WIPI2: variants seen among roughly 807,000 people sequenced by gnomAD.
WIPI2 encodes the protein WD repeat domain, phosphoinositide interacting 2, also known as WD repeat domain phosphoinositide-interacting protein 2.
WIPI2 carries 28 observed loss-of-function variants against 52.3 expected under a neutral mutation model. The observed-to-expected ratio is 0.54, with a 90% CI of 0.40 to 0.73. WIPI2 has a LOEUF of 0.73. WIPI2 is among the 30% of genes least tolerant of loss of function. WIPI2 has a pLI of 0.00. For missense variants in WIPI2, 506 were observed against 602.9 expected (o/e 0.84, Z 1.68); for synonymous variants, 268 against 245.0 (o/e 1.09, Z -0.88).
At chr7:5,191,513 C>G (rs920571449) in intron 1 of WIPI2, among the ~76,000 whole-genome samples, 1 of 152,124 alleles carries the variant, frequency 6.6e-6, no homozygotes, top group African/African-American at 2.4e-5. Flanking sequence ...AATGCCAGCC[C>G]GTGCATTCGG....
At chr7:5,214,823 G>A in intron 4 of WIPI2, 119 bp downstream of exon 4, 18 of 1,165,462 alleles carry the variant, frequency 1.5e-5, no homozygotes, top group Middle Eastern at 2.0e-4. Context: ...CCACGTTGCC[G>A]GGCACAGATC....
Position 5,193,126 on chromosome 7 carries a change from A to C in WIPI2, c.83A>C (p.Lys28Thr). ...TTTGTTTTTTTACCTAGAGAAGTGA[A>C]AGGGGCATCAAGAGCAGCTGGTCTT... The part of the protein sequence containing the change: ...ANFNQDNTEV[K>T]GASRAAGLGR... Residue 28 changes from lysine to threonine, a missense_variant, in exon 2 of 13, where the codon AAA becomes ACA. By Grantham distance (78) the Lys-to-Thr change is moderately conservative. Transcript: ENST00000288828. 2 of 1,613,930 alleles carry C rather than the reference A, an allele frequency of 1.2e-6. No individual in the cohort carries two copies.
In WIPI2 at chr7:5,214,712, C is replaced by T. The variant is rs756305172; in HGVS notation, c.381+8C>T. On this transcript the variant is annotated splice_region_variant and intron_variant, in intron 4 of 12. Transcript: ENST00000288828. Reference sequence around the variant, plus strand: ...GTGAAGCTCAACAGGCAGGTGAGCGCTGCCCCAGCTGGGTGTGGGCTTGTC... The same window carrying T: ...GTGAAGCTCAACAGGCAGGTGAGCGTTGCCCCAGCTGGGTGTGGGCTTGTC... 3.7e-5 allele frequency: 60 copies of T among 1,613,180 alleles called. No homozygotes were observed. In the South Asian group the frequency reaches 5.8e-4, roughly 16 times the overall value.
At chr7:5,196,939 C>T (rs979709364) in intron 2 of WIPI2, among the ~76,000 whole-genome samples, 3 of 151,544 alleles carry the variant, frequency 2.0e-5, no homozygotes, top group African/African-American at 7.3e-5. Context: ...TGGTAAAACC[C>T]CATCTCTACT....
intron 3 of WIPI2, among the ~76,000 whole-genome samples, chr7:5,208,030 T>C (rs1428757553): frequency 2.6e-5 from 4 of 152,198 alleles, no homozygotes; most frequent in African/African-American, 9.6e-5. Flanking sequence ...CCTCCCAAAG[T>C]GCTGGGATTA....
At chr7:5,198,535 A>G (rs1484367281) in intron 2 of WIPI2, among the ~76,000 whole-genome samples, 1 of 152,158 alleles carries the variant, frequency 6.6e-6, no homozygotes, top group Non-Finnish European at 1.5e-5. Context: ...GCAGGTCTCA[A>G]ATTCCTGACC....
chr7:5,198,510 C>T lies in WIPI2; in HGVS notation c.129-1066C>T, dbSNP rs192045170. Among the ~76,000 whole-genome samples, 538 of 152,232 alleles carry T rather than the reference C, an allele frequency of 3.5e-3. 2 individuals carry two copies. Among genetic ancestry groups the T allele is most frequent in the African/African-American group, 0.012 (497 of 41,560 alleles). On this transcript the variant is annotated intron_variant, in intron 2 of 12. Transcript: ENST00000288828. ...TGTATTTTTAGTAGAGACAGGTTTTCGCCATGTTGGCCAGGCAGGTCTCAA... is the reference window on the plus strand; with the variant it reads ...TGTATTTTTAGTAGAGACAGGTTTTTGCCATGTTGGCCAGGCAGGTCTCAA...
chr7:5,227,001 G>A lies in WIPI2; in HGVS notation c.849-179G>A, dbSNP rs80206650. On this transcript the variant is annotated intron_variant, in intron 9 of 12. Transcript: ENST00000288828. This position sits in a 1 kb window ranked among gnomAD's most constrained non-coding sequence, Gnocchi z 8.1. ...ACCCCTCCCCCGACACCTCCCAGAG[G>A]AAGCTCCGTGATGCCCCTGGGGCCC... 9.1e-6 allele frequency: 7 copies of A among 772,410 alleles called. No homozygotes were observed. The highest frequency in any genetic ancestry group is 1.4e-5 in the Non-Finnish European group (7 of 491,624). 47.8% of individuals were successfully genotyped at this position (772,410 alleles called of 1,614,324 possible). A position where few individuals can be genotyped will look rare whatever the true frequency, so the allele number is the denominator to read the frequency against.
chr7:5,191,497 G>C (rs904820040), intron 1 of WIPI2, among the ~76,000 whole-genome samples: 18 of 152,176 alleles, frequency 1.2e-4, no homozygotes, highest in Non-Finnish European at 1.5e-4. Flanking sequence ...GGCAAGAGAA[G>C]GCCTTAATGC....
At chr7:5,229,368 T>C (rs1562410998) in intron 11 of WIPI2, 2 of 378,924 alleles carry the variant, frequency 5.3e-6, no homozygotes, top group South Asian at 3.8e-5. Context: ...AGTTCTTCCA[T>C]TGTAAAAGTG....
intron 6 of WIPI2, chr7:5,217,437 T>C: frequency 2.0e-6 from 1 of 487,878 alleles, no homozygotes; most frequent in Non-Finnish European, 3.7e-6. Context: ...CCCGAGGAGT[T>C]ACAGTCATGC....
At chr7:5,214,943 C>T (rs1265004486) in intron 4 of WIPI2, among the ~76,000 whole-genome samples, 1 of 152,236 alleles carries the variant, frequency 6.6e-6, no homozygotes, top group African/African-American at 2.4e-5. Flanking sequence ...CAGGCGTCCC[C>T]GGCCCCACCC....
At chr7:5,207,174 T>C (rs1195646697) in intron 3 of WIPI2, among the ~76,000 whole-genome samples, 3 of 152,228 alleles carry the variant, frequency 2.0e-5, no homozygotes, top group African/African-American at 4.8e-5. Context: ...TCTTGTAAGA[T>C]AAAATTTACT....
intron 3 of WIPI2, among the ~76,000 whole-genome samples, chr7:5,202,946 G>A (rs560859285): frequency 3.3e-4 from 50 of 152,264 alleles, no homozygotes; most frequent in Non-Finnish European, 5.3e-4. Flanking sequence ...TGCACTGTGT[G>A]TTTTCTTTGC....
chr7:5,218,139 G>T, intron 7 of WIPI2, 125 bp downstream of exon 7: 1 of 995,752 alleles, frequency 1.0e-6, no homozygotes. Flanking sequence ...AGCAAAGACA[G>T]CCACCCACTT....
chr7:5,219,144 A>G (rs1404105437), intron 7 of WIPI2: 2 of 152,102 alleles, frequency 1.3e-5, no homozygotes, highest in Non-Finnish European at 1.5e-5. Context: ...TTTTATCTTC[A>G]TTACCTCATT....
Position 5,190,357 on chromosome 7 carries a change from C to A in WIPI2, c.-63C>A. ...CGGGGCCCGGCGCCGACCCTGAGTG[C>A]AGCCTGACCCGCCCTCGCGCGCGCG... On this transcript the variant is annotated 5_prime_UTR_variant, in exon 1 of 13. Coordinates refer to ENST00000288828, the MANE Select transcript of WIPI2 (RefSeq NM_015610.4). The A allele has an allele frequency of 8.3e-7, 1 of 1,209,138 alleles. No individual in the cohort carries two copies. The highest frequency in any genetic ancestry group is 1.1e-6 in the Non-Finnish European group (1 of 951,134). The allele number at this position is 1,209,138 out of a possible 1,614,324, so 74.9% of individuals were successfully genotyped here.
At chr7:5,212,860 G>A (rs968178062) in intron 3 of WIPI2, among the ~76,000 whole-genome samples, 9 of 152,230 alleles carry the variant, frequency 5.9e-5, no homozygotes, top group Non-Finnish European at 1.2e-4. Context: ...CAGGGCTGCC[G>A]TGACTTAGTA....
chr7:5,231,263 T>C lies in WIPI2; in HGVS notation c.*316T>C, dbSNP rs1239408906. On this transcript the variant is annotated 3_prime_UTR_variant, in exon 13 of 13. Transcript: ENST00000288828. ...CATGCATGAACGTGCCAAGCCAGCA[T>C]AGGGGAGCTAGAAGCCACTTTCCAG... 2 of 243,006 alleles carry C rather than the reference T, an allele frequency of 8.2e-6. No homozygotes were observed. The highest frequency in any genetic ancestry group is 7.9e-6 in the Non-Finnish European group (1 of 126,286). The allele number at this position is 243,006 out of a possible 1,614,324, so 15.1% of individuals were successfully genotyped here. A position where few individuals can be genotyped will look rare whatever the true frequency, so the allele number is the denominator to read the frequency against.
Sources: gnomAD v4.1 joint callset for allele counts (sites outside exome capture counted in the v4.1 genomes callset) on GRCh38, gnomAD v4.1.1 for gene constraint, Gnocchi (gnomAD v3.1) non-coding constraint, MANE v1.5 for transcripts, NCBI Gene and HGNC (gene_info 2026-07-23, HGNC 2026-07-21) for gene names.